The following PARP10 variants were observed in gnomAD, a reference collection of about 807,000 sequenced individuals.
The protein encoded by PARP10 is poly(ADP-ribose) polymerase family member 10, also known as protein mono-ADP-ribosyltransferase PARP10.
Under a neutral mutation model 82.4 loss-of-function variants are expected in PARP10, and 56 were observed. The observed-to-expected ratio is 0.68, with a 90% CI of 0.55 to 0.85. The LOEUF is 0.85. PARP10 is among the 40% of genes least tolerant of loss of function. The pLI is 0.00. For synonymous variants in PARP10, 576 were observed against 601.1 expected (o/e 0.96, Z 0.61); for missense variants, 1,227 against 1,379.4 (o/e 0.89, Z 1.75).
At chr8:143,981,005 T>C (rs1833836751) in intron 9 of PARP10, among the ~76,000 whole-genome samples, 1 of 151,480 alleles carries the variant, frequency 6.6e-6, no homozygotes, top group Non-Finnish European at 1.5e-5. Context: ...ATTCTCCTCA[T>C]CTTCCATGCG....
chr8:144,009,295 G>A (rs1013293323), intron 1 of PARP10, among the ~76,000 whole-genome samples: 55 of 152,084 alleles, frequency 3.6e-4, no homozygotes, highest in African/African-American at 1.1e-3. Flanking sequence ...TAAAGCTGAC[G>A]CACACTTTTT....
intron 4 of PARP10, 41 bp downstream of exon 4, chr8:143,985,371 A>G: frequency 6.3e-7 from 1 of 1,593,678 alleles, no homozygotes; most frequent in Non-Finnish European, 8.6e-7. Flanking sequence ...AGATTTCTGC[A>G]GGAGAGGGAC....
chr8:143,986,167 G>A lies in PARP10; in HGVS notation c.69C>T (p.Pro23=), dbSNP rs782276875. ...VEVRGLPPAV[P]DELLTLYFEN... ...CAAAGTAGAGAGTGAGCAGCTCGTCGGGCACGGCAGGGGGCAGTCCACGGA... is the reference window on the plus strand; with the variant it reads ...CAAAGTAGAGAGTGAGCAGCTCGTCAGGCACGGCAGGGGGCAGTCCACGGA... The change falls in exon 2 of 11, where the codon CCC becomes CCT. Residue 23 remains proline (P), a synonymous_variant. Coordinates refer to ENST00000313028, the MANE Select transcript of PARP10 (RefSeq NM_032789.5). The A allele has an allele frequency of 4.1e-5, 66 of 1,613,552 alleles. 1 individual carries two copies. The highest frequency in any genetic ancestry group is 2.1e-4 in the South Asian group (19 of 91,068).
chr8:143,989,383 G>A (rs1254168843), upstream of PARP10: 1 of 152,250 alleles, frequency 6.6e-6, no homozygotes, highest in Non-Finnish European at 1.5e-5. This position sits in a 1 kb window ranked among gnomAD's most constrained non-coding sequence, Gnocchi z 4.3. Flanking sequence ...GTGAAAACAA[G>A]ACATCGTATT....
At chr8:143,992,234 C>T (rs1554750660), upstream of PARP10, 1 of 1,604,300 alleles carries the variant, frequency 6.2e-7, no homozygotes, top group East Asian at 2.2e-5. Flanking sequence ...GCCTGTGTCT[C>T]CCAACTGCAG....
At chr8:143,991,330 C>T (rs1834090596), upstream of PARP10, 5 of 1,396,614 alleles carry the variant, frequency 3.6e-6, no homozygotes, top group Non-Finnish European at 4.9e-6. Flanking sequence ...GCTCAGCCTC[C>T]CTACCCTGGG....
chr8:143,991,643 AG>A, upstream of PARP10: 4 of 1,582,368 alleles, frequency 2.5e-6, no homozygotes, highest in Non-Finnish European at 3.5e-6. Flanking sequence ...CCGGGAGGGC[AG>A]GGGGAGGTGC....
Position 143,984,961 on chromosome 8 carries a change from C to T in PARP10, c.1041G>A (p.Glu347=). The T allele has an allele frequency of 6.2e-7, 1 of 1,614,010 alleles. No individual in the cohort carries two copies. Among genetic ancestry groups the T allele is most frequent in the South Asian group, 1.1e-5 (1 of 91,084 alleles). ...TGPMGSLGQA[E]QVSSMPMGSL... is the part of the protein sequence containing the mutation. ...ACCCCATGGGCATCGAGCTGACTTGCTCTGCCTGTCCCAGAGACCCCATGG... is the reference window on the plus strand; with the variant it reads ...ACCCCATGGGCATCGAGCTGACTTGTTCTGCCTGTCCCAGAGACCCCATGG... The change falls in exon 5 of 11, where the codon GAG becomes GAA. Residue 347 remains glutamate, a synonymous_variant. Transcript: ENST00000313028.
chr8:143,980,764 C>A (rs1398809486), intron 9 of PARP10, among the ~76,000 whole-genome samples: 1 of 151,994 alleles, frequency 6.6e-6, no homozygotes, highest in Admixed American at 6.6e-5. Context: ...GCCTTGAATC[C>A]TAGAACATCT....
chr8:143,993,062 G>A (rs1554750877), upstream of PARP10: 2 of 548,906 alleles, frequency 3.6e-6, no homozygotes, highest in Non-Finnish European at 6.5e-6. Flanking sequence ...CCCCCGCCAA[G>A]GGGCACCAAG....
Position 143,977,623 on chromosome 8 carries a change from T to C in PARP10, c.2939A>G (p.Asp980Gly), listed in dbSNP as rs939598803. Residue 980 changes from aspartate to glycine, a missense_variant, in exon 11 of 11, where the codon GAC (aspartate) becomes GGC (glycine). By Grantham distance (94) the Asp-to-Gly change is moderately conservative. Transcript: ENST00000313028. ...HVLLRYDSAV[D>G]CICQPSIFVI... is the part of the protein sequence containing the mutation. ...GAAGATGCTGGGCTGGCAGATGCAG[T>C]CCACGGCGCTGTCGTAGCGCAGGAG... 18 of 1,590,872 alleles carry C rather than the reference T, an allele frequency of 1.1e-5. No homozygotes were observed. Among genetic ancestry groups the C allele is most frequent in the Non-Finnish European group, 1.5e-5 (18 of 1,169,626 alleles).
At chr8:143,989,981 G>GGTCCGCGGAAGCC (rs1554750168), upstream of PARP10, 1 of 151,976 alleles carries the variant, frequency 6.6e-6, no homozygotes, top group Non-Finnish European at 1.5e-5. The surrounding 1 kb of genome is among the most constrained non-coding windows in gnomAD (Gnocchi z 4.3). Flanking sequence ...CAGCGGGAGG[G>GGTCCGCGGAAGCC]GTCCGCGGAA....
At chr8:143,999,197 A>C (rs955470375) in intron 1 of PARP10, among the ~76,000 whole-genome samples, 1 of 151,170 alleles carries the variant, frequency 6.6e-6, no homozygotes, top group Non-Finnish European at 1.5e-5. Flanking sequence ...TCACTACCAC[A>C]CCTGGCTATT....
Position 143,983,062 on chromosome 8 carries a change from G to A in PARP10, c.2426C>T (p.Ala809Val), listed in dbSNP as rs141244035. ...CCAGGGCCCCTTCAGCGTCTGCCCC[G>A]CCACTGATGCATGGGGAAAAGCGGG... ...FPLAASGPTLAGQTLKGPWNN... is the reference protein window; with the variant it reads ...FPLAASGPTLVGQTLKGPWNN... The change falls in exon 9 of 11, where the codon GCG becomes GTG. Residue 809 changes from alanine (A) to valine (V), a missense_variant. Transcript: ENST00000313028. 8.9e-4 allele frequency: 1,433 copies of A among 1,613,834 alleles called. 32 individuals are homozygous for A. The East Asian group carries it at 0.027, about 30-fold the overall frequency.
chr8:143,985,736 G>C lies in PARP10; in HGVS notation c.421C>G (p.Pro141Ala), dbSNP rs1554749156. ...PDRALVQLPK[P>A]LSEADVRVLE... The stretch of plus-strand genomic sequence containing the variant: ...TGCCTCTCACCTGCCTCAGAAAGGG[G>C]CTTGGGCAACTGGACCAGAGCCCGG... The change falls in exon 3 of 11, where the codon CCC (proline) becomes GCC (alanine). Residue 141 changes from proline (P) to alanine (A), a missense_variant. Transcript: ENST00000313028. 2.5e-6 allele frequency: 4 copies of C among 1,607,330 alleles called. No homozygotes were observed. In the South Asian group the frequency reaches 4.4e-5, roughly 18 times the overall value.
intron 1 of PARP10, among the ~76,000 whole-genome samples, chr8:143,996,715 A>G (rs1415405041): frequency 2.0e-5 from 3 of 152,232 alleles, no homozygotes; most frequent in African/African-American, 7.2e-5. Flanking sequence ...CCTTGGCTCA[A>G]CGTCAGCATC....
Position 143,985,117 on chromosome 8 carries a change from C to G in PARP10, c.885G>C (p.Met295Ile). 1 of 1,614,050 alleles carries G rather than the reference C, an allele frequency of 6.2e-7. No homozygotes were observed. The highest frequency in any genetic ancestry group is 8.5e-7 in the Non-Finnish European group (1 of 1,180,008). Reference sequence around the variant, plus strand: ...ACTGCCCTGGTTCCTCGCCAGAGCCCATTGTCACAGTCCCTGCACCCTGCA... The same window carrying G: ...ACTGCCCTGGTTCCTCGCCAGAGCCGATTGTCACAGTCCCTGCACCCTGCA... ...TALQGAGTVT[M>I]GSGEEPGQSG... is the part of the protein sequence containing the mutation. The change falls in exon 5 of 11, where the codon ATG becomes ATC. Residue 295 changes from methionine (M) to isoleucine (I), a missense_variant. Met to Ile is a conservative substitution (Grantham distance 10). Transcript: ENST00000313028.
chr8:143,986,117 C>T lies in PARP10; in HGVS notation c.119G>A (p.Gly40Glu), dbSNP rs782064932. Residue 40 changes from glycine to glutamate, a missense_variant, in exon 2 of 11, where the codon GGA becomes GAA. Coordinates refer to ENST00000313028, the MANE Select transcript of PARP10 (RefSeq NM_032789.5). ...YFENRRRSGG[G>E]PVLSWQRLGC... ...CAGTCTCTGCCAGCTCAACACAGGT[C>T]CCCCTCCAGAGCGTCGGCGGTTTTC... is the stretch of plus-strand genomic sequence containing the variant. 6.2e-7 allele frequency: 1 copy of T among 1,613,930 alleles called. No individual in the cohort carries two copies. The highest frequency in any genetic ancestry group is 8.5e-7 in the Non-Finnish European group (1 of 1,179,982).
chr8:143,991,818 T>C (rs782174811), upstream of PARP10: 2 of 1,609,440 alleles, frequency 1.2e-6, no homozygotes, highest in Non-Finnish European at 1.7e-6. Context: ...GGTAGGGGCA[T>C]CTCCAAGGCG....
Sources: gnomAD v4.1 joint callset for allele counts (sites outside exome capture counted in the v4.1 genomes callset) on GRCh38, gnomAD v4.1.1 for gene constraint, Gnocchi (gnomAD v3.1) non-coding constraint, MANE v1.5 for transcripts, NCBI Gene and HGNC (gene_info 2026-07-23, HGNC 2026-07-21) for gene names.